Variants in UACA observed in about 807,000 individuals in gnomAD.
UACA encodes uveal autoantigen with coiled-coil domains and ankyrin repeats.
A neutral mutation model predicts 160.5 loss-of-function variants in UACA; 112 were observed. The observed-to-expected ratio is 0.70, with a 90% CI of 0.60 to 0.82. The LOEUF (loss-of-function observed/expected upper bound fraction) is 0.82. UACA is among the 40% of genes least tolerant of loss of function. UACA has a pLI of 0.00. For missense variants in UACA, 1,574 were observed against 1,614.6 expected, an observed-to-expected ratio of 0.97 and a Z score of 0.43; for synonymous variants, 557 against 568.4, an observed-to-expected ratio of 0.98 and a Z score of 0.29.
chr15:70,677,975 C>T, intron 11 of UACA, 124 bp downstream of exon 11: 6 of 633,132 alleles, frequency 9.5e-6, no homozygotes, highest in South Asian at 2.4e-5. Flanking sequence ...AAATCCTGGT[C>T]CCCAGTAAGA....
rs546372464 is a variant in UACA, at chr15:70,673,018, C to T, written c.1132-1017G>A. On this transcript the variant is annotated intron_variant, in intron 13 of 18. Coordinates refer to ENST00000322954, the MANE Select transcript of UACA (RefSeq NM_018003.4). Reference sequence around the variant, plus strand: ...GGCTGAGCCAGGAGAACTGCTTGAACCTGGGAGGCGGAGGTTGCAGTGAGC... The same window carrying T: ...GGCTGAGCCAGGAGAACTGCTTGAATCTGGGAGGCGGAGGTTGCAGTGAGC... Among the ~76,000 whole-genome samples, 22 of 152,316 alleles carry T rather than the reference C, an allele frequency of 1.4e-4. No homozygotes were observed. The South Asian group carries it at 4.6e-3, about 32-fold the overall frequency.
intron 2 of UACA, among the ~76,000 whole-genome samples, chr15:70,696,443 G>A (rs901290589): frequency 1.1e-4 from 16 of 152,126 alleles, no homozygotes; most frequent in African/African-American, 3.6e-4. Flanking sequence ...CATGCTTGGA[G>A]ACAAAATCTG....
intron 12 of UACA, 81 bp downstream of exon 12, chr15:70,677,027 T>C: frequency 9.4e-7 from 1 of 1,068,506 alleles, no homozygotes; most frequent in South Asian, 1.5e-5. Context: ...TCTATCTCAA[T>C]TCAGGACTTA....
chr15:70,669,156 C>T lies in UACA; in HGVS notation c.1528G>A (p.Glu510Lys). The T allele has an allele frequency of 6.2e-7, 1 of 1,614,090 alleles. No individual in the cohort carries two copies. The highest frequency in any genetic ancestry group is 1.1e-5 in the South Asian group (1 of 91,076). ...GTCTGCATTTGTTTAACTTTACCTT[C>T]TGACTCATACATCCTCTTCTGCACA... ...KDVQKRMYES[E>K]GKVKQMQTHF... is the part of the protein sequence containing the mutation. The change falls in exon 16 of 19, where the codon GAA becomes AAA. Residue 510 changes from glutamate to lysine, a missense_variant. Physicochemically the swap from Glu to Lys is moderately conservative, Grantham distance 56. Coordinates refer to ENST00000322954, the MANE Select transcript of UACA (RefSeq NM_018003.4).
chr15:70,684,616 A>G (rs1233255946), intron 7 of UACA, among the ~76,000 whole-genome samples, 170 bp from the exon 8 acceptor site: 1 of 152,052 alleles, frequency 6.6e-6, no homozygotes, highest in Non-Finnish European at 1.5e-5. Context: ...AAGCAAATCC[A>G]TGTTGTAGAG....
At chr15:70,746,902 A>G (rs138596635) in intron 1 of UACA, among the ~76,000 whole-genome samples, 2 of 152,208 alleles carry the variant, frequency 1.3e-5, no homozygotes, top group East Asian at 3.9e-4. Flanking sequence ...CAAACACCAC[A>G]TGTTCTCACT....
intron 1 of UACA, among the ~76,000 whole-genome samples, chr15:70,762,549 TAA>T (rs1250971356): frequency 1.3e-5 from 2 of 152,188 alleles, no homozygotes; most frequent in African/African-American, 4.8e-5. Context: ...TCCTGCCAAC[TAA>T]AGAGGCCCCG....
At chr15:70,749,698 C>CAAAA (rs11292883) in intron 1 of UACA, among the ~76,000 whole-genome samples, 21 of 70,038 alleles carry the variant, frequency 3.0e-4, no homozygotes, top group African/African-American at 5.8e-4. Context: ...GACTCCGTCT[C>CAAAA]AAAAAAAAAA....
rs1431637239 is a variant in UACA, at chr15:70,699,759, T to C, written c.79-99A>G. On this transcript the variant is annotated intron_variant, in intron 1 of 18. Coordinates refer to ENST00000322954, the MANE Select transcript of UACA (RefSeq NM_018003.4). ...GAGAAAGGAAAGCAGTACTGCATAA[T>C]ACATCACTTATTTTCCAGTTGCATT... 1.8e-5 allele frequency: 23 copies of C among 1,296,426 alleles called. No homozygotes were observed. In the East Asian group the frequency reaches 4.6e-4, roughly 26 times the overall value. 80.3% of individuals were successfully genotyped at this position (1,296,426 alleles called of 1,614,324 possible).
In UACA at chr15:70,689,330, T is replaced by C. The variant is rs184765448; in HGVS notation, c.424+1124A>G. Among the ~76,000 whole-genome samples, 10 of 152,320 alleles carry C rather than the reference T, an allele frequency of 6.6e-5. No individual in the cohort carries two copies. The South Asian group carries it at 1.0e-3, about 16-fold the overall frequency. Reference sequence around the variant, plus strand: ...TGTTATAGCAACTTAGTTTCCATCCTAGCTAATGCATCTAACTAATAAGTA... The same window carrying C: ...TGTTATAGCAACTTAGTTTCCATCCCAGCTAATGCATCTAACTAATAAGTA... On this transcript the variant is annotated intron_variant, in intron 5 of 18. Coordinates refer to ENST00000322954, the MANE Select transcript of UACA (RefSeq NM_018003.4).
rs140445271 is a variant in UACA, at chr15:70,668,255, T to A, written c.2429A>T (p.Glu810Val). ...GGATTTCAGAGCTATTATCTCTTTT[T>A]CATGTTTCTCAGGAGGTACAAACAC... ...ETVFVPPEKH[E>V]KEIIALKSNI... The change falls in exon 16 of 19, where the codon GAA becomes GTA. Residue 810 changes from glutamate (E) to valine (V), a missense_variant. Glu to Val is a moderately radical substitution (Grantham distance 121). Coordinates refer to ENST00000322954, the MANE Select transcript of UACA (RefSeq NM_018003.4). The A allele has an allele frequency of 9.9e-6, 16 of 1,613,394 alleles. No homozygotes were observed. Among genetic ancestry groups the A allele is most frequent in the Admixed American group, 1.7e-5 (1 of 59,938 alleles).
intron 7 of UACA, among the ~76,000 whole-genome samples, chr15:70,686,862 T>C (rs1897742861): frequency 6.6e-6 from 1 of 152,180 alleles, no homozygotes. Context: ...AGATACTTTG[T>C]GACCATAAAC....
chr15:70,670,018 C>T (rs764258447), intron 15 of UACA, among the ~76,000 whole-genome samples: 14 of 152,214 alleles, frequency 9.2e-5, no homozygotes, highest in Admixed American at 2.6e-4. Flanking sequence ...AAAAATACCA[C>T]GAAAAGAAAC....
At chr15:70,661,649 A>T (rs914320736) in intron 17 of UACA, 3 of 152,176 alleles carry the variant, frequency 2.0e-5, no homozygotes, top group Non-Finnish European at 4.4e-5. Context: ...TTTACTTAGC[A>T]TTTCAATGTG....
rs193183569 is a variant in UACA, at chr15:70,683,123, G to C, written c.785-328C>G. 1.3e-5 allele frequency among the ~76,000 whole-genome samples: 2 copies of C among 151,950 alleles called. 1 individual carries two copies. Among genetic ancestry groups the C allele is most frequent in the Admixed American group, 1.3e-4 (2 of 15,252 alleles). ...GTAATCCCAGCACTTTGGGAGGCTG[G>C]GGCAGGAGGATCACTTGAGGCTAGG... is the stretch of plus-strand genomic sequence containing the variant. On this transcript the variant is annotated intron_variant, in intron 8 of 18. Transcript: ENST00000322954.
At chr15:70,700,473 C>T (rs987378329) in intron 1 of UACA, among the ~76,000 whole-genome samples, 1 of 151,626 alleles carries the variant, frequency 6.6e-6, no homozygotes, top group Non-Finnish European at 1.5e-5. Context: ...TTACAAGTTA[C>T]TTTCATTTTC....
rs71152307 is a variant in UACA at position 70,659,395 on chromosome 15, G to GTTTTTTTTTT, written c.4179+746_4179+755dup. Among the ~76,000 whole-genome samples, 42 of 18,794 alleles carry GTTTTTTTTTT rather than the reference G, an allele frequency of 2.2e-3. 11 individuals are homozygous for GTTTTTTTTTT. Among genetic ancestry groups the GTTTTTTTTTT allele is most frequent in the Non-Finnish European group, 2.3e-3 (24 of 10,428 alleles). The allele number at this position is 18,794 out of a possible 152,430, so 12.3% of individuals were successfully genotyped here. A position where few individuals can be genotyped will look rare whatever the true frequency, so the allele number is the denominator to read the frequency against. On this transcript the variant is annotated intron_variant, in intron 18 of 18. Coordinates refer to ENST00000322954, the MANE Select transcript of UACA (RefSeq NM_018003.4). ...TCTTTCCCTTCTTCATTTTTTGTTT[G>GTTTTTTTTTT]TTTTTTTTTTTTTTTTTTTTTTTTT...
chr15:70,663,752 A>G (rs558637893), intron 17 of UACA, among the ~76,000 whole-genome samples: 273 of 151,902 alleles, frequency 1.8e-3, no homozygotes, highest in African/African-American at 6.4e-3. Context: ...CATCATTCTC[A>G]GCAAACTATC....
At chr15:70,680,854 G>A (rs899650871) in intron 9 of UACA, among the ~76,000 whole-genome samples, 1 of 152,222 alleles carries the variant, frequency 6.6e-6, no homozygotes, top group Non-Finnish European at 1.5e-5. Context: ...GGGTGCACAC[G>A]TCCTGCCTTC....
Sources: allele counts gnomAD v4.1 joint callset (sites outside exome capture counted in the v4.1 genomes callset), GRCh38; gene constraint gnomAD v4.1.1; transcripts MANE v1.5; gene names NCBI Gene and HGNC (gene_info 2026-07-23, HGNC 2026-07-21).